The following ARL6IP6 variants were observed in gnomAD, a reference collection of about 807,000 sequenced individuals.
The protein encoded by ARL6IP6 is ARF like GTPase 6 interacting protein 6, also known as ADP-ribosylation factor-like protein 6-interacting protein 6.
ARL6IP6 carries 22 observed loss-of-function variants against 21.5 expected under a neutral mutation model. The ratio of observed to expected loss-of-function variants is 1.02; its 90% CI spans 0.73 to 1.46. The LOEUF is 1.46. ARL6IP6 is among the 40% of genes most tolerant of loss of function. The probability of loss-of-function intolerance (pLI) is 0.00; values close to 1 mark genes in which losing one functional copy is unlikely to be tolerated. For synonymous variants in ARL6IP6, 164 were observed against 125.3 expected, an observed-to-expected ratio of 1.31 and a Z score of -2.06; for missense variants, 388 against 299.8, an observed-to-expected ratio of 1.29 and a Z score of -2.17.
intron 3 of ARL6IP6, among the ~76,000 whole-genome samples, chr2:152,751,878 T>C (rs1276779628): frequency 6.6e-6 from 1 of 152,236 alleles, no homozygotes; most frequent in African/African-American, 2.4e-5. Flanking sequence ...GTCCTTTCTT[T>C]GGGTAAATAC....
At chr2:152,717,768 G>C (rs1027229953), upstream of ARL6IP6, 5 of 1,248,392 alleles carry the variant, frequency 4.0e-6, no homozygotes, top group African/African-American at 7.7e-5. Flanking sequence ...CCCCGTAGGG[G>C]GTGGGGCAGT....
chr2:152,749,298 GAAACACACACACAA>G (rs1222686727), intron 3 of ARL6IP6, among the ~76,000 whole-genome samples: 3 of 122,056 alleles, frequency 2.5e-5, no homozygotes, highest in African/African-American at 6.1e-5. Flanking sequence ...ATATCAAGCA[GAAACACACACACAA>G]AAACACACAC....
At chr2:152,725,982 T>C (rs1700028762) in intron 2 of ARL6IP6, among the ~76,000 whole-genome samples, 1 of 152,246 alleles carries the variant, frequency 6.6e-6, no homozygotes, top group African/African-American at 2.4e-5. Flanking sequence ...TATTGATGAC[T>C]GTTTTCCCTG....
At chr2:152,718,508 A>T, upstream of ARL6IP6, 1 of 1,399,638 alleles carries the variant, frequency 7.1e-7, no homozygotes, top group Non-Finnish European at 9.4e-7. Context: ...TCCGTGGTTT[A>T]CCCCTGGGCT....
rs61506535 is a variant in ARL6IP6 at position 152,746,821 on chromosome 2, C to CTTTTTTTTTT, written c.587+11710_587+11719dup. On this transcript the variant is annotated intron_variant, in intron 3 of 3. Coordinates refer to ENST00000326446, the MANE Select transcript of ARL6IP6 (RefSeq NM_152522.7). ...TATTTATCCTGAGATTTTATCCTTT[C>CTTTTTTTTTT]TTTTTTTTTTTTTTTTTTTTTTTTG... 3.8e-3 allele frequency among the ~76,000 whole-genome samples: 126 copies of CTTTTTTTTTT among 33,044 alleles called. 13 individuals carry two copies. Among genetic ancestry groups the CTTTTTTTTTT allele is most frequent in the Non-Finnish European group, 4.9e-3 (90 of 18,342 alleles). 21.7% of individuals were successfully genotyped at this position (33,044 alleles called of 152,430 possible). A position where few individuals can be genotyped will look rare whatever the true frequency, so the allele number is the denominator to read the frequency against.
At chr2:152,723,655 T>A (rs1699897936) in intron 2 of ARL6IP6, among the ~76,000 whole-genome samples, 1 of 152,240 alleles carries the variant, frequency 6.6e-6, no homozygotes. Flanking sequence ...AGTCCAAGAT[T>A]GGCATGGCAG....
At chr2:152,718,306 G>A (rs576859496), upstream of ARL6IP6, 238 of 292,532 alleles carry the variant, frequency 8.1e-4, no homozygotes, top group Non-Finnish European at 1.3e-3. Context: ...GGGGGTGGCG[G>A]AGGTCTCCGG....
intron 1 of ARL6IP6, chr2:152,719,768 A>C (rs780237648): frequency 0.016 from 5,154 of 320,876 alleles, 64 homozygotes; most frequent in Non-Finnish European, 0.022. Flanking sequence ...AAAAAAAAAA[A>C]AAAAAACAAA....
At chr2:152,750,383 T>C (rs182883809) in intron 3 of ARL6IP6, among the ~76,000 whole-genome samples, 2 of 149,738 alleles carry the variant, frequency 1.3e-5, no homozygotes, top group East Asian at 3.9e-4. Flanking sequence ...GGCTGAGGCA[T>C]GAGAATCGTT....
intron 3 of ARL6IP6, among the ~76,000 whole-genome samples, chr2:152,749,346 C>T (rs73969751): frequency 0.021 from 3,199 of 151,854 alleles, 119 homozygotes; most frequent in African/African-American, 0.074. Flanking sequence ...CGCACGCACG[C>T]GAGAGAGACC....
At chr2:152,757,992 G>A (rs1464103474) in intron 3 of ARL6IP6, among the ~76,000 whole-genome samples, 3 of 152,134 alleles carry the variant, frequency 2.0e-5, no homozygotes, top group Non-Finnish European at 4.4e-5. Flanking sequence ...TACTAAAACA[G>A]AACAATTAAC....
chr2:152,718,847 C>T lies in ARL6IP6; in HGVS notation c.223C>T (p.Pro75Ser), dbSNP rs139323229. Residue 75 changes from proline to serine, a missense_variant, in exon 1 of 4, where the codon CCG (proline) becomes TCG (serine). Coordinates refer to ENST00000326446, the MANE Select transcript of ARL6IP6 (RefSeq NM_152522.7). ...SEPRKRSVLP[P>S]DGNGSPVLPD... ...GCCCAGAAAGCGCTCGGTGCTCCCG[C>T]CGGACGGGAACGGGTCGCCCGTTCT... 12 of 1,612,144 alleles carry T rather than the reference C, an allele frequency of 7.4e-6. No homozygotes were observed. The African/African-American group carries it at 1.5e-4, about 20-fold the overall frequency.
intron 3 of ARL6IP6, among the ~76,000 whole-genome samples, chr2:152,742,162 T>C (rs1219014209): frequency 6.6e-6 from 1 of 152,230 alleles, no homozygotes; most frequent in Non-Finnish European, 1.5e-5. Flanking sequence ...ATATAGTCAG[T>C]ATTTTAACAT....
chr2:152,746,001 C>CTTTTTTTTTTTTTTTTT (rs67760283), intron 3 of ARL6IP6, among the ~76,000 whole-genome samples: 5 of 66,380 alleles, frequency 7.5e-5, no homozygotes, highest in Non-Finnish European at 1.2e-4. Context: ...TGCTTTGTAC[C>CTTTTTTTTTTTTTTTTT]TTTTTTTTTT....
intron 3 of ARL6IP6, among the ~76,000 whole-genome samples, chr2:152,742,154 A>G (rs901052798): frequency 2.0e-5 from 3 of 152,202 alleles, no homozygotes; most frequent in Admixed American, 6.5e-5. Flanking sequence ...CAGTGTATAT[A>G]TAGTCAGTAT....
At chr2:152,743,392 A>C (rs1192625626) in intron 3 of ARL6IP6, among the ~76,000 whole-genome samples, 3 of 152,222 alleles carry the variant, frequency 2.0e-5, no homozygotes, top group African/African-American at 7.2e-5. Context: ...TCAAACGTCA[A>C]ATTTAACAGC....
Position 152,721,031 on chromosome 2 carries a change from C to T in ARL6IP6, c.454+445C>T, listed in dbSNP as rs142585886. 1.4e-4 allele frequency among the ~76,000 whole-genome samples: 22 copies of T among 152,222 alleles called. No homozygotes were observed. In the East Asian group the frequency reaches 4.1e-3, roughly 28 times the overall value. Reference sequence around the variant, plus strand: ...ATCACTTAAGCTGGGAAGTTCAAGGCTGCAGTGAACCGTGATAGTTACACT... The same window carrying T: ...ATCACTTAAGCTGGGAAGTTCAAGGTTGCAGTGAACCGTGATAGTTACACT... On this transcript the variant is annotated intron_variant, in intron 2 of 3. Transcript: ENST00000326446.
upstream of ARL6IP6, chr2:152,717,719 G>A (rs1699196885): frequency 2.9e-6 from 4 of 1,367,938 alleles, no homozygotes; most frequent in East Asian, 5.8e-5. Context: ...GGGAAGGGAA[G>A]ACAACAGTGT....
upstream of ARL6IP6, chr2:152,718,614 T>TGTTTCGCGCC: frequency 6.6e-7 from 1 of 1,506,108 alleles, no homozygotes; most frequent in East Asian, 2.3e-5. Flanking sequence ...GGTTTCGTTG[T>TGTTTCGCGCC]GTTTCGCGCC....
Sources: gnomAD v4.1 joint callset for allele counts (sites outside exome capture counted in the v4.1 genomes callset) on GRCh38, gnomAD v4.1.1 for gene constraint, MANE v1.5 for transcripts, NCBI Gene and HGNC (gene_info 2026-07-23, HGNC 2026-07-21) for gene names.